Variants in RAB3IL1 observed in about 807,000 individuals in gnomAD.
RAB3IL1 encodes the protein RAB3A interacting protein like 1, also known as guanine nucleotide exchange factor for Rab-3A.
RAB3IL1 carries 37 observed loss-of-function variants against 49.2 expected under a neutral mutation model. That is an observed-to-expected ratio of 0.75 (90% CI 0.58 to 0.99). The LOEUF is 0.99. Ranked by LOEUF, RAB3IL1 falls within the 50% of genes least tolerant of loss-of-function variation. The probability of loss-of-function intolerance (pLI) is 0.00; values close to 1 mark genes in which losing one functional copy is unlikely to be tolerated. For missense variants in RAB3IL1, 484 were observed against 513.0 expected (o/e 0.94, Z 0.55); for synonymous variants, 193 against 213.9 (o/e 0.90, Z 0.85).
chr11:61,935,634 C>T, the RAB3IL1 span, among the ~76,000 whole-genome samples: 1 of 151,860 alleles, frequency 6.6e-6, no homozygotes, highest in African/African-American at 2.4e-5. Flanking sequence ...ACTGCCTCAG[C>T]CTCCCGAATA....
At position 61,908,241 on chromosome 11, in the gene RAB3IL1, G is replaced by GTGC; in HGVS notation, c.74_76dup (p.Ser25dup). On this transcript the variant is annotated inframe_insertion, in exon 2 of 10. Coordinates refer to ENST00000394836, the MANE Select transcript of RAB3IL1 (RefSeq NM_013401.4). ...CTCCCTGTGGCCTTGGCAGGGGTCC[G>GTGC]TGCTCTTCCAGGGGACCGGGACAGC... The GTGC allele has an allele frequency of 6.5e-7, 1 of 1,534,252 alleles. No homozygotes were observed. The highest frequency in any genetic ancestry group is 1.4e-5 in the African/African-American group (1 of 73,476).
At chr11:61,939,337 AT>A in the RAB3IL1 span, among the ~76,000 whole-genome samples, 1 of 152,176 alleles carries the variant, frequency 6.6e-6, no homozygotes, top group Non-Finnish European at 1.5e-5. Context: ...GAAAATGAAA[AT>A]ACAGCATACC....
At position 61,897,335 on chromosome 11, in the gene RAB3IL1, G is replaced by A. The variant is rs1010001791; in HGVS notation, c.*943C>T. 3.9e-5 allele frequency: 6 copies of A among 152,818 alleles called. No homozygotes were observed. Among genetic ancestry groups the A allele is most frequent in the East Asian group, 1.9e-4 (1 of 5,314 alleles). The allele number at this position is 152,818 out of a possible 1,614,324, so 9.5% of individuals were successfully genotyped here. On this transcript the variant is annotated 3_prime_UTR_variant, in exon 10 of 10. Transcript: ENST00000394836. ...AGCCTGCCTTTATTAAATAGAGATC[G>A]CGTTACATTCCATCCAAAGAAGGAA... is the stretch of plus-strand genomic sequence containing the variant.
chr11:61,901,272 A>G (rs989899630), intron 8 of RAB3IL1, among the ~76,000 whole-genome samples: 4 of 152,118 alleles, frequency 2.6e-5, no homozygotes, highest in Admixed American at 1.3e-4. Context: ...TTAAGAGTCA[A>G]CAGAGGGACA....
chr11:61,898,490 A>G lies in RAB3IL1; in HGVS notation c.1067-130T>C. ...CCCTAGGGTCCCCGGCCCCCAAAAC[A>G]GATGACCTCAGTGAGTGGCTGGACC... is the stretch of plus-strand genomic sequence containing the variant. On this transcript the variant is annotated intron_variant, in intron 9 of 9. Coordinates refer to ENST00000394836, the MANE Select transcript of RAB3IL1 (RefSeq NM_013401.4). The surrounding 1 kb of genome is among the most constrained non-coding windows in gnomAD (Gnocchi z 5.1). 4.1e-6 allele frequency: 3 copies of G among 727,034 alleles called. No individual in the cohort carries two copies. The highest frequency in any genetic ancestry group is 7.2e-6 in the Non-Finnish European group (3 of 417,820). The allele number at this position is 727,034 out of a possible 1,614,324, so 45.0% of individuals were successfully genotyped here.
the RAB3IL1 span, among the ~76,000 whole-genome samples, chr11:61,934,465 T>TATAC: frequency 2.0e-5 from 1 of 49,786 alleles, no homozygotes; most frequent in Admixed American, 2.2e-4. Flanking sequence ...TATATATATA[T>TATAC]ATATATATAT....
chr11:61,932,676 ACATAAAT>A, the RAB3IL1 span, among the ~76,000 whole-genome samples: 87 of 152,310 alleles, frequency 5.7e-4, no homozygotes, highest in African/African-American at 2.1e-3. Context: ...GAAATCAAAG[ACATAAAT>A]AGAAAATAGT....
the RAB3IL1 span, among the ~76,000 whole-genome samples, chr11:61,941,846 T>C: frequency 6.6e-6 from 1 of 152,128 alleles, no homozygotes; most frequent in African/African-American, 2.4e-5. Flanking sequence ...AGCAACATGT[T>C]AAAAAGATTA....
At chr11:61,937,761 A>C in the RAB3IL1 span, 1 of 152,346 alleles carries the variant, frequency 6.6e-6, no homozygotes, top group African/African-American at 2.4e-5. Flanking sequence ...ACAAAAATAT[A>C]TAATGCATAT....
At chr11:61,938,472 A>G in the RAB3IL1 span, among the ~76,000 whole-genome samples, 1 of 152,236 alleles carries the variant, frequency 6.6e-6, no homozygotes, top group African/African-American at 2.4e-5. Context: ...CCTCAAGGCA[A>G]AAATTGTTAC....
rs1939216594 is a variant in RAB3IL1 at position 61,906,804 on chromosome 11, C to T, written c.439-120G>A. On this transcript the variant is annotated intron_variant, in intron 4 of 9. Coordinates refer to ENST00000394836, the MANE Select transcript of RAB3IL1 (RefSeq NM_013401.4). The surrounding 1 kb of genome is among the most constrained non-coding windows in gnomAD (Gnocchi z 4.6). Reference sequence around the variant, plus strand: ...GCAGTGACAGGCACTTAGTCCCACCCGACGCCCTCAGAACAGCCTTCGAGG... The same window carrying T: ...GCAGTGACAGGCACTTAGTCCCACCTGACGCCCTCAGAACAGCCTTCGAGG... 1.1e-5 allele frequency: 10 copies of T among 944,408 alleles called. 1 individual carries two copies. Among genetic ancestry groups the T allele is most frequent in the South Asian group, 8.4e-5 (6 of 71,648 alleles). 58.5% of individuals were successfully genotyped at this position (944,408 alleles called of 1,614,324 possible).
the RAB3IL1 span, among the ~76,000 whole-genome samples, chr11:61,928,931 T>C: frequency 6.6e-6 from 1 of 152,214 alleles, no homozygotes; most frequent in South Asian, 2.1e-4. Flanking sequence ...TGGTCTCCTA[T>C]ATATGATATA....
At chr11:61,929,884 C>CTTTTTTTT in the RAB3IL1 span, among the ~76,000 whole-genome samples, 5 of 66,380 alleles carry the variant, frequency 7.5e-5, no homozygotes, top group Admixed American at 2.7e-4. Flanking sequence ...CCGCGCCCGG[C>CTTTTTTTT]TTTTTTTTTT....
the RAB3IL1 span, among the ~76,000 whole-genome samples, chr11:61,925,930 T>C: frequency 6.6e-6 from 1 of 151,944 alleles, no homozygotes. Flanking sequence ...GAGCCCTGCT[T>C]TGGGAAGATT....
the RAB3IL1 span, among the ~76,000 whole-genome samples, chr11:61,927,058 G>A: frequency 3.3e-5 from 5 of 152,198 alleles, no homozygotes; most frequent in Middle Eastern, 3.4e-3. Flanking sequence ...TGGCGAGGCT[G>A]CTCTCAAACT....
Position 61,898,335 on chromosome 11 carries a change from C to T in RAB3IL1, c.1092G>A (p.Met364Ile). The change falls in exon 10 of 10, where the codon ATG becomes ATA. Residue 364 changes from methionine to isoleucine, a missense_variant. Coordinates refer to ENST00000394836, the MANE Select transcript of RAB3IL1 (RefSeq NM_013401.4). This position sits in a 1 kb window ranked among gnomAD's most constrained non-coding sequence, Gnocchi z 5.1. ...QDAEPMFWEI[M>I]RLRKEMSLAK... Reference sequence around the variant, plus strand: ...CCAGTGACATCTCCTTCCGCAACCTCATGATCTCCCAGAACATGGGCTCTG... The same window carrying T: ...CCAGTGACATCTCCTTCCGCAACCTTATGATCTCCCAGAACATGGGCTCTG... The T allele has an allele frequency of 6.2e-7, 1 of 1,613,642 alleles. No individual in the cohort carries two copies. Among genetic ancestry groups the T allele is most frequent in the African/African-American group, 1.3e-5 (1 of 75,072 alleles).
intron 1 of RAB3IL1, among the ~76,000 whole-genome samples, chr11:61,917,095 C>T (rs768259580): frequency 1.3e-5 from 2 of 152,190 alleles, no homozygotes; most frequent in Non-Finnish European, 2.9e-5. Flanking sequence ...CTCACTTGCG[C>T]TCCTGATGAG....
intron 1 of RAB3IL1, among the ~76,000 whole-genome samples, chr11:61,915,647 C>G (rs1939645548): frequency 6.6e-6 from 1 of 152,142 alleles, no homozygotes; most frequent in Non-Finnish European, 1.5e-5. Flanking sequence ...CCAGGTACCA[C>G]AAACCCACCT....
Position 61,904,694 on chromosome 11 carries a change from G to A in RAB3IL1, c.787-36C>T, listed in dbSNP as rs750615709. 9 of 1,594,978 alleles carry A rather than the reference G, an allele frequency of 5.6e-6. No homozygotes were observed. The East Asian group carries it at 1.1e-4, about 20-fold the overall frequency. The stretch of plus-strand genomic sequence containing the variant: ...CCAGGGAGGCAGGCAGGGTGGTAAG[G>A]GGCTGGGCCCTGGCGGAGGGGTGTG... On this transcript the variant is annotated intron_variant, in intron 6 of 9. Transcript: ENST00000394836.
Sources: allele counts gnomAD v4.1 joint callset (sites outside exome capture counted in the v4.1 genomes callset), GRCh38; gene constraint gnomAD v4.1.1; non-coding constraint Gnocchi (gnomAD v3.1); transcripts MANE v1.5; gene names NCBI Gene and HGNC (gene_info 2026-07-23, HGNC 2026-07-21).